The following SLC22A25 variants were observed in gnomAD, a reference collection of about 807,000 sequenced individuals.
The protein encoded by SLC22A25 is solute carrier family 22 member 25, also known as MGI:2442751, MGI:2385316, MGI:3042283, MGI:3645714, MGI:3605624, MGI:2442750.
A neutral mutation model predicts 45.9 loss-of-function variants in SLC22A25; 44 were observed. The ratio of observed to expected loss-of-function variants is 0.96; its 90% CI spans 0.75 to 1.23. The LOEUF (loss-of-function observed/expected upper bound fraction) is 1.23. Among genes scored for constraint, SLC22A25 ranks in the 50% most tolerant of loss-of-function variants. The pLI is 0.00. For synonymous variants in SLC22A25, 283 were observed against 238.6 expected, an observed-to-expected ratio of 1.19 and a Z score of -1.72; for missense variants, 800 against 666.4, an observed-to-expected ratio of 1.20 and a Z score of -2.21.
At chr11:63,222,681 G>A (rs935348038) in intron 5 of SLC22A25, among the ~76,000 whole-genome samples, 1 of 151,986 alleles carries the variant, frequency 6.6e-6, no homozygotes, top group African/African-American at 2.4e-5. Context: ...GTGAATGTGG[G>A]CATCCTTGTT....
intron 3 of SLC22A25, among the ~76,000 whole-genome samples, chr11:63,232,810 C>G (rs2090094462): frequency 6.6e-6 from 1 of 152,196 alleles, no homozygotes; most frequent in Admixed American, 6.5e-5. Flanking sequence ...TTCGTCCTAT[C>G]AATACCTAAT....
rs192872477 is a variant in SLC22A25 at position 63,160,340 on chromosome 11, G to A, written c.*3484C>T. The stretch of plus-strand genomic sequence containing the variant: ...AGCCACTCTAGCCATGGCTAAAAGG[G>A]GCCAAGGTACAGATCAGGCTGTGGC... On this transcript the variant is annotated 3_prime_UTR_variant, in exon 12 of 12. Coordinates refer to ENST00000306494, the MANE Select transcript of SLC22A25 (RefSeq NM_199352.6). 7.2e-5 allele frequency among the ~76,000 whole-genome samples: 11 copies of A among 152,308 alleles called. No individual in the cohort carries two copies. The highest frequency in any genetic ancestry group is 2.6e-4 in the African/African-American group (11 of 41,566).
intron 7 of SLC22A25, among the ~76,000 whole-genome samples, chr11:63,211,218 AG>A (rs2089550852): frequency 1.3e-5 from 2 of 152,092 alleles, no homozygotes. Flanking sequence ...CTACCTAGAG[AG>A]GAAATTGAAG....
In SLC22A25 at chr11:63,158,638, A is replaced by G. The variant is rs1262242675; in HGVS notation, c.*5186T>C. 6.6e-6 allele frequency among the ~76,000 whole-genome samples: 1 copy of G among 152,194 alleles called. No homozygotes were observed. Among genetic ancestry groups the G allele is most frequent in the Non-Finnish European group, 1.5e-5 (1 of 68,040 alleles). ...TCCTTTAGTTATTTTAAAATGTACA[A>G]TTAAATTATTTTGACTACAGCACCC... On this transcript the variant is annotated 3_prime_UTR_variant, in exon 12 of 12. Coordinates refer to ENST00000306494, the MANE Select transcript of SLC22A25 (RefSeq NM_199352.6).
intron 7 of SLC22A25, among the ~76,000 whole-genome samples, chr11:63,211,307 C>T (rs1419913698): frequency 6.6e-6 from 1 of 152,164 alleles, no homozygotes; most frequent in African/African-American, 2.4e-5. Context: ...TACTCCTCTG[C>T]TGCCCATGAG....
In SLC22A25 at chr11:63,243,455, A is replaced by T. The variant is rs2090285512; in HGVS notation, c.-1017T>A. 4 of 758,790 alleles carry T rather than the reference A, an allele frequency of 5.3e-6. No homozygotes were observed. The Admixed American group carries it at 6.9e-5, about 13-fold the overall frequency. The allele number at this position is 758,790 out of a possible 1,614,324, so 47.0% of individuals were successfully genotyped here. A position where few individuals can be genotyped will look rare whatever the true frequency, so the allele number is the denominator to read the frequency against. On this transcript the variant is annotated 5_prime_UTR_variant, in exon 1 of 12. Transcript: ENST00000306494. The stretch of plus-strand genomic sequence containing the variant: ...TTACCTGGACTGTTTCTTCGCCAGG[A>T]TCCCAACTTCAAAGTCCCATCTGCA...
chr11:63,198,018 CAATGAGAT>C (rs1371878459), intron 7 of SLC22A25, among the ~76,000 whole-genome samples: 1 of 152,182 alleles, frequency 6.6e-6, no homozygotes, highest in Non-Finnish European at 1.5e-5. Context: ...ATCAAAACCA[CAATGAGAT>C]ACCATCTCAC....
At chr11:63,191,995 A>T (rs892580491) in intron 7 of SLC22A25, among the ~76,000 whole-genome samples, 1 of 152,284 alleles carries the variant, frequency 6.6e-6, no homozygotes, top group Non-Finnish European at 1.5e-5. Flanking sequence ...CCAGTAAGAT[A>T]CTTCACAAGA....
Position 63,158,938 on chromosome 11 carries a change from C to T in SLC22A25, c.*4886G>A, listed in dbSNP as rs770335033. Among the ~76,000 whole-genome samples the T allele has an allele frequency of 5.9e-5, 9 of 152,168 alleles. No individual in the cohort carries two copies. The highest frequency in any genetic ancestry group is 7.3e-5 in the Non-Finnish European group (5 of 68,036). ...TTCTCAGCCTCTGGTAATCATCCTTCTCTCTCTATGTCTATGAGTTCAATT... is the reference window on the plus strand; with the variant it reads ...TTCTCAGCCTCTGGTAATCATCCTTTTCTCTCTATGTCTATGAGTTCAATT... On this transcript the variant is annotated 3_prime_UTR_variant, in exon 12 of 12. Coordinates refer to ENST00000306494, the MANE Select transcript of SLC22A25 (RefSeq NM_199352.6).
At chr11:63,168,067 A>G in intron 9 of SLC22A25, 1 of 201,184 alleles carries the variant, frequency 5.0e-6, no homozygotes, top group South Asian at 5.9e-5. Flanking sequence ...AGACCTGCAG[A>G]AGAGGGACCT....
In SLC22A25 at chr11:63,229,701, G is replaced by C. The variant is rs201501023; in HGVS notation, c.-49C>G. The C allele has an allele frequency of 1.9e-6, 3 of 1,546,016 alleles. No homozygotes were observed. In the East Asian group the frequency reaches 6.8e-5, roughly 35 times the overall value. ...AGAGGAGACAAAATGACTGTATCCAGATAAGTTCAAAGAGAAAATATTTCC... is the reference window on the plus strand; with the variant it reads ...AGAGGAGACAAAATGACTGTATCCACATAAGTTCAAAGAGAAAATATTTCC... On this transcript the variant is annotated 5_prime_UTR_variant, in exon 4 of 12. In the 5' UTR this introduces an upstream ATG that the reference lacks. Coordinates refer to ENST00000306494, the MANE Select transcript of SLC22A25 (RefSeq NM_199352.6).
chr11:63,170,609 A>C lies in SLC22A25; in HGVS notation c.1071-4351T>G, dbSNP rs540928827. Among the ~76,000 whole-genome samples, 14 of 152,284 alleles carry C rather than the reference A, an allele frequency of 9.2e-5. 1 individual carries two copies. The South Asian group carries it at 2.7e-3, about 29-fold the overall frequency. ...GGACATATACACCCTCCCAAGACTA[A>C]ACCAGGAAGAAGTTGAATCCCTGAA... On this transcript the variant is annotated intron_variant, in intron 9 of 11. Transcript: ENST00000306494.
chr11:63,208,658 G>A (rs181926981), intron 7 of SLC22A25, among the ~76,000 whole-genome samples: 2 of 150,154 alleles, frequency 1.3e-5, no homozygotes, highest in African/African-American at 2.5e-5. Context: ...CAGGGGAGAT[G>A]TGTGAAAGTG....
chr11:63,230,349 C>A lies in SLC22A25; in HGVS notation c.-444-253G>T, dbSNP rs145723614. Among the ~76,000 whole-genome samples the A allele has an allele frequency of 3.0e-4, 45 of 152,246 alleles. 1 individual carries two copies. The highest frequency in any genetic ancestry group is 1.1e-3 in the African/African-American group (44 of 41,566). ...AGTGCTAAGCTCATATGGAGGTTTA[C>A]TTTTACTGGCTTATTGATTCTTTCA... On this transcript the variant is annotated intron_variant, in intron 3 of 11. Transcript: ENST00000306494.
chr11:63,188,791 G>A (rs138874224), intron 7 of SLC22A25, among the ~76,000 whole-genome samples: 276 of 152,108 alleles, frequency 1.8e-3, no homozygotes, highest in Middle Eastern at 3.4e-3. Context: ...TTCTGCCTTC[G>A]TTTTGTTATG....
Position 63,160,571 on chromosome 11 carries a change from G to A in SLC22A25, c.*3253C>T, listed in dbSNP as rs2087525280. Among the ~76,000 whole-genome samples, 1 of 152,188 alleles carries A rather than the reference G, an allele frequency of 6.6e-6. No homozygotes were observed. Among genetic ancestry groups the A allele is most frequent in the Non-Finnish European group, 1.5e-5 (1 of 68,030 alleles). On this transcript the variant is annotated 3_prime_UTR_variant, in exon 12 of 12. Coordinates refer to ENST00000306494, the MANE Select transcript of SLC22A25 (RefSeq NM_199352.6). ...TTGGGCGGTGTGAAAGGAAGATGTG[G>A]GGTTGAAGTCCATACACAGAGTCTC...
chr11:63,193,651 T>A (rs1489986513), intron 7 of SLC22A25, among the ~76,000 whole-genome samples: 1 of 152,120 alleles, frequency 6.6e-6, no homozygotes. Context: ...CAAAACCCCA[T>A]CTGTATGTCA....
At chr11:63,241,097 G>A (rs1336748679) in intron 1 of SLC22A25, among the ~76,000 whole-genome samples, 1 of 152,146 alleles carries the variant, frequency 6.6e-6, no homozygotes. Flanking sequence ...GTCTTGGTTG[G>A]GAAAGAAATT....
chr11:63,228,603 C>T (rs770485225), intron 4 of SLC22A25, 39 bp from the exon 5 acceptor site: 2 of 1,453,726 alleles, frequency 1.4e-6, no homozygotes, highest in Admixed American at 1.7e-5. Flanking sequence ...TGCTTATAGC[C>T]CCTCAGTGTA....
Sources: gnomAD v4.1 joint callset for allele counts (sites outside exome capture counted in the v4.1 genomes callset) on GRCh38, gnomAD v4.1.1 for gene constraint, MANE v1.5 for transcripts, NCBI Gene and HGNC (gene_info 2026-07-23, HGNC 2026-07-21) for gene names.